Variants in UGT1A10 observed in about 807,000 individuals in gnomAD.
UGT1A10 encodes the protein UDP glucuronosyltransferase family 1 member A10, also known as UDP-glucuronosyltransferase 1A10.
Under a neutral mutation model 45.8 loss-of-function variants are expected in UGT1A10, and 49 were observed. That is an observed-to-expected ratio of 1.07 (90% CI 0.85 to 1.36). The LOEUF (loss-of-function observed/expected upper bound fraction) is 1.36. Among genes scored for constraint, UGT1A10 ranks in the 40% most tolerant of loss-of-function variants. The probability of loss-of-function intolerance (pLI) is 0.00; values close to 1 mark genes in which losing one functional copy is unlikely to be tolerated. For missense variants in UGT1A10, 745 were observed against 668.6 expected, an observed-to-expected ratio of 1.11 and a Z score of -1.26; for synonymous variants, 284 against 249.7, an observed-to-expected ratio of 1.14 and a Z score of -1.29.
At position 233,773,098 on chromosome 2, in the gene UGT1A10, G is replaced by T; in HGVS notation, c.*539G>T. 6.4e-6 allele frequency: 1 copy of T among 156,852 alleles called. No homozygotes were observed. The highest frequency in any genetic ancestry group is 6.1e-5 in the Admixed American group (1 of 16,412). 9.7% of individuals were successfully genotyped at this position (156,852 alleles called of 1,614,324 possible). ...AATGGCTTGGAGTGCACTGAGAACA[G>T]CATATGATTTCTTGCTTTGGGGAAA... On this transcript the variant is annotated 3_prime_UTR_variant, in exon 5 of 5. Coordinates refer to ENST00000344644, the MANE Select transcript of UGT1A10 (RefSeq NM_019075.4).
intron 1 of UGT1A10, chr2:233,760,624 T>G (rs1305127348): frequency 6.2e-7 from 1 of 1,614,172 alleles, no homozygotes; most frequent in Non-Finnish European, 8.5e-7. Flanking sequence ...GATCAAAACA[T>G]ACAAGAAAAT....
Position 233,719,571 on chromosome 2 carries a change from T to C in UGT1A10, c.856-47463T>C, listed in dbSNP as rs749406769. The C allele has an allele frequency of 1.9e-5, 31 of 1,613,788 alleles. No individual in the cohort carries two copies. Among genetic ancestry groups the C allele is most frequent in the Non-Finnish European group, 2.2e-5 (26 of 1,179,874 alleles). ...GGTGTCAGTGGTGGATCTTGTCAGC[T>C]ATGCATCCGTGTGGCTGTTCCGAGG... On this transcript the variant is annotated intron_variant, in intron 1 of 4. Coordinates refer to ENST00000344644, the MANE Select transcript of UGT1A10 (RefSeq NM_019075.4).
intron 1 of UGT1A10, among the ~76,000 whole-genome samples, chr2:233,669,595 C>T (rs2074140676): frequency 6.6e-6 from 1 of 152,042 alleles, no homozygotes; most frequent in Non-Finnish European, 1.5e-5. Context: ...TTGTTCATTG[C>T]TAGTACATTT....
intron 1 of UGT1A10, among the ~76,000 whole-genome samples, chr2:233,711,031 G>A (rs1185789408): frequency 6.6e-6 from 1 of 152,142 alleles, no homozygotes; most frequent in African/African-American, 2.4e-5. Context: ...TTTTTCTGGG[G>A]TGACCTCACT....
At chr2:233,717,985 CAG>C in intron 1 of UGT1A10, 1 of 441,518 alleles carries the variant, frequency 2.3e-6, no homozygotes, top group Non-Finnish European at 4.5e-6. Flanking sequence ...AAGAGGAATT[CAG>C]ACTGTGCAAG....
chr2:233,710,040 G>A (rs2076105613), intron 1 of UGT1A10, among the ~76,000 whole-genome samples: 1 of 152,178 alleles, frequency 6.6e-6, no homozygotes, highest in Non-Finnish European at 1.5e-5. Flanking sequence ...TTTTGTGTCT[G>A]GCCTCTTTGG....
chr2:233,719,720 C>T (rs2076799652), intron 1 of UGT1A10: 1 of 1,613,702 alleles, frequency 6.2e-7, no homozygotes, highest in African/African-American at 1.3e-5. Context: ...AATCAATGTT[C>T]CAGGCAAAAC....
intron 1 of UGT1A10, among the ~76,000 whole-genome samples, chr2:233,662,872 G>A (rs2074003471): frequency 7.1e-6 from 1 of 141,692 alleles, no homozygotes; most frequent in Non-Finnish European, 1.5e-5. Context: ...CACTTTTTCT[G>A]TAACTATTAA....
intron 1 of UGT1A10, among the ~76,000 whole-genome samples, chr2:233,766,257 A>AGTGGCCCGGGCTCG (rs36213637): frequency 2.6e-5 from 4 of 151,512 alleles, no homozygotes; most frequent in African/African-American, 4.9e-5. Context: ...CAGACCGCTC[A>AGTGGCCCGGGCTCG]GTGGCCCGGG....
chr2:233,748,190 C>T (rs1370576625), intron 1 of UGT1A10: 2 of 1,559,306 alleles, frequency 1.3e-6, no homozygotes, highest in South Asian at 1.2e-5. Flanking sequence ...GCTTTTATTT[C>T]TGCTTGTCGT....
intron 1 of UGT1A10, among the ~76,000 whole-genome samples, chr2:233,752,997 A>G (rs1695105472): frequency 6.6e-6 from 1 of 151,602 alleles, no homozygotes. Context: ...CACTCATTCT[A>G]TCCTACCCAG....
At chr2:233,719,615 C>T in intron 1 of UGT1A10, 1 of 1,614,016 alleles carries the variant, frequency 6.2e-7, no homozygotes, top group Non-Finnish European at 8.5e-7. Flanking sequence ...TGATGGACTA[C>T]CCCAGGCCGA....
At chr2:233,724,342 C>T (rs1220787897) in intron 1 of UGT1A10, among the ~76,000 whole-genome samples, 6 of 135,502 alleles carry the variant, frequency 4.4e-5, no homozygotes, top group Non-Finnish European at 8.0e-5. Flanking sequence ...GGGGGCTGAC[C>T]CCCCCCACCT....
At chr2:233,666,059 A>G (rs2074070143) in intron 1 of UGT1A10, among the ~76,000 whole-genome samples, 1 of 152,238 alleles carries the variant, frequency 6.6e-6, no homozygotes, top group African/African-American at 2.4e-5. Context: ...GCATGGCACC[A>G]GCATCCGCAT....
intron 1 of UGT1A10, among the ~76,000 whole-genome samples, chr2:233,765,573 A>C (rs1448763178): frequency 2.6e-5 from 4 of 152,132 alleles, no homozygotes; most frequent in Admixed American, 6.5e-5. Context: ...GCGTAGACGC[A>C]GGGAGGGGAA....
intron 1 of UGT1A10, among the ~76,000 whole-genome samples, chr2:233,662,724 C>T (rs1056649421): frequency 6.6e-6 from 1 of 151,818 alleles, no homozygotes; most frequent in Non-Finnish European, 1.5e-5. Context: ...AGCATTCAGT[C>T]TTTCACCATT....
chr2:233,706,281 G>A (rs539099269), intron 1 of UGT1A10, among the ~76,000 whole-genome samples: 2 of 152,046 alleles, frequency 1.3e-5, no homozygotes, highest in Admixed American at 1.3e-4. Flanking sequence ...CTCAGGGGTG[G>A]GGCCCAGTGC....
At chr2:233,677,834 T>TAA (rs139390163) in intron 1 of UGT1A10, among the ~76,000 whole-genome samples, 2 of 151,800 alleles carry the variant, frequency 1.3e-5, no homozygotes, top group African/African-American at 4.8e-5. Context: ...TAGATATATG[T>TAA]AAAAAAAATC....
rs949685670 is a variant in UGT1A10 at position 233,686,961 on chromosome 2, A to G, written c.855+49584A>G. 9.2e-5 allele frequency among the ~76,000 whole-genome samples: 14 copies of G among 152,208 alleles called. 1 individual carries two copies. The highest frequency in any genetic ancestry group is 3.9e-4 in the Admixed American group (6 of 15,282). On this transcript the variant is annotated intron_variant, in intron 1 of 4. Coordinates refer to ENST00000344644, the MANE Select transcript of UGT1A10 (RefSeq NM_019075.4). ...GCAGGGAAGCTGTCAGTAATTAATT[A>G]GCAAGGCAGGGAAGTTGTACCCCAA...
Sources: gnomAD v4.1 joint callset for allele counts (sites outside exome capture counted in the v4.1 genomes callset) on GRCh38, gnomAD v4.1.1 for gene constraint, MANE v1.5 for transcripts, NCBI Gene and HGNC (gene_info 2026-07-23, HGNC 2026-07-21) for gene names.